Variants in DNAAF1 observed in about 807,000 individuals in gnomAD.
DNAAF1 encodes dynein axonemal assembly factor 1.
DNAAF1 carries 65 observed loss-of-function variants against 71.1 expected under a neutral mutation model. The ratio of observed to expected loss-of-function variants is 0.91; its 90% CI spans 0.75 to 1.12. The LOEUF (loss-of-function observed/expected upper bound fraction) is 1.12, where lower values mean the gene tolerates loss of function less well. DNAAF1 is among the 50% of genes most tolerant of loss of function. The pLI, the probability that DNAAF1 is intolerant of heterozygous loss-of-function variation, is 0.00. For synonymous variants in DNAAF1, 414 were observed against 354.6 expected (o/e 1.17, Z -1.88); for missense variants, 1,178 against 899.8 (o/e 1.31, Z -3.96).
At chr16:84,156,895 C>T (rs778589920) in intron 5 of DNAAF1, among the ~76,000 whole-genome samples, 5 of 143,688 alleles carry the variant, frequency 3.5e-5, no homozygotes, top group Non-Finnish European at 7.5e-5. Context: ...CTCTGTCACC[C>T]AGGCTGGAGT....
At chr16:84,147,586 G>T (rs1320930653) in intron 1 of DNAAF1, among the ~76,000 whole-genome samples, 1 of 151,882 alleles carries the variant, frequency 6.6e-6, no homozygotes, top group South Asian at 2.1e-4. Context: ...AGCCTCCTGA[G>T]TAGCTGGGAC....
At chr16:84,158,204 G>A (rs912457693) in intron 5 of DNAAF1, among the ~76,000 whole-genome samples, 1 of 151,778 alleles carries the variant, frequency 6.6e-6, no homozygotes, top group African/African-American at 2.4e-5. Context: ...GTCTGGCTCT[G>A]TCTCCAAAAA....
At chr16:84,170,565 T>C (rs2088277609) in intron 8 of DNAAF1, among the ~76,000 whole-genome samples, 1 of 152,068 alleles carries the variant, frequency 6.6e-6, no homozygotes. Context: ...CTCTAATAGC[T>C]CTATTTAAAA....
Position 84,145,549 on chromosome 16 carries a change from G to T in DNAAF1, c.109G>T (p.Gly37Trp). The T allele has an allele frequency of 6.5e-7, 1 of 1,549,244 alleles. No individual in the cohort carries two copies. The highest frequency in any genetic ancestry group is 8.7e-7 in the Non-Finnish European group (1 of 1,147,164). Reference sequence around the variant, plus strand: ...GGGTGACCACGGGAGCGCAGGCCGAGGGGGCTGCAAGGAAGGTGCCGACTG... The same window carrying T: ...GGGTGACCACGGGAGCGCAGGCCGATGGGGCTGCAAGGAAGGTGCCGACTG... ...SAGDHGSAGR[G>W]GCKEEINDPK... Residue 37 changes from glycine (G) to tryptophan (W), a missense_variant, in exon 1 of 12, where the codon GGG (glycine) becomes TGG (tryptophan). Physicochemically the swap from Gly to Trp is radical, Grantham distance 184 (BLOSUM62 -2). Transcript: ENST00000378553.
intron 5 of DNAAF1, among the ~76,000 whole-genome samples, chr16:84,156,847 C>CT (rs2087454463): frequency 1.5e-5 from 2 of 130,484 alleles, no homozygotes; most frequent in East Asian, 2.2e-4. Flanking sequence ...TTCTTTCTTT[C>CT]TTTCTTTTTT....
At position 84,146,119 on chromosome 16, in the gene DNAAF1, G is replaced by GCAAA. The variant is rs1177266578; in HGVS notation, c.124+560_124+563dup. Among the ~76,000 whole-genome samples, 4 of 151,434 alleles carry GCAAA rather than the reference G, an allele frequency of 2.6e-5. No homozygotes were observed. The East Asian group carries it at 7.8e-4, about 29-fold the overall frequency. ...CTCAAACAAACAAACAAACAAACAA[G>GCAAA]CAAACAAAACCCACCAGACTCAGGC... On this transcript the variant is annotated intron_variant, in intron 1 of 11. Transcript: ENST00000378553.
chr16:84,152,318 A>G (rs1185361678), intron 3 of DNAAF1, among the ~76,000 whole-genome samples: 1 of 152,182 alleles, frequency 6.6e-6, no homozygotes, highest in African/African-American at 2.4e-5. Context: ...AAAAATTACA[A>G]TGTAAGAAAG....
rs538913588 is a variant in DNAAF1 at position 84,154,310 on chromosome 16, C to T, written c.353-267C>T. The stretch of plus-strand genomic sequence containing the variant: ...GCAGATGGCACTTTCTTGCTGTATC[C>T]TCATGGGGTGAAGATGGCAAAGAAG... On this transcript the variant is annotated intron_variant, in intron 3 of 11. Transcript: ENST00000378553. 2.0e-5 allele frequency among the ~76,000 whole-genome samples: 3 copies of T among 152,186 alleles called. No homozygotes were observed. In the East Asian group the frequency reaches 5.8e-4, roughly 29 times the overall value.
chr16:84,160,910 C>T (rs1014810114), intron 6 of DNAAF1, among the ~76,000 whole-genome samples: 32 of 150,468 alleles, frequency 2.1e-4, no homozygotes, highest in Non-Finnish European at 4.3e-4. Flanking sequence ...GCACTCCAGC[C>T]TGGGCAACAG....
At chr16:84,159,204 C>A in intron 5 of DNAAF1, 2 of 1,028,302 alleles carry the variant, frequency 1.9e-6, no homozygotes, top group Non-Finnish European at 2.3e-6. Flanking sequence ...CTGCGGCACT[C>A]AGCAGAGGTA....
At chr16:84,149,252 C>G in intron 2 of DNAAF1, 110 bp downstream of exon 2, 1 of 1,401,308 alleles carries the variant, frequency 7.1e-7, no homozygotes, top group Non-Finnish European at 1.0e-6. Flanking sequence ...GAATTGCCTG[C>G]CCAATGTCTG....
chr16:84,154,535 T>A (rs1280852870), intron 3 of DNAAF1, 42 bp from the exon 4 acceptor site: 3 of 1,585,548 alleles, frequency 1.9e-6, no homozygotes, highest in Non-Finnish European at 2.6e-6. Flanking sequence ...CCCTCTGCCC[T>A]GGGAGTAGGA....
At chr16:84,146,955 G>T (rs2086943331) in intron 1 of DNAAF1, among the ~76,000 whole-genome samples, 1 of 152,152 alleles carries the variant, frequency 6.6e-6, no homozygotes, top group Non-Finnish European at 1.5e-5. Context: ...CTTGTATGAG[G>T]AGCCATAGGG....
intron 6 of DNAAF1, among the ~76,000 whole-genome samples, chr16:84,160,936 CAAAAAA>C (rs994477404): frequency 4.4e-5 from 3 of 67,504 alleles, no homozygotes; most frequent in Non-Finnish European, 9.1e-5. Context: ...GACTCCGTCT[CAAAAAA>C]AAAAAAAAAA....
chr16:84,151,194 C>G (rs6563999), intron 3 of DNAAF1, among the ~76,000 whole-genome samples: 1 of 151,938 alleles, frequency 6.6e-6, no homozygotes, highest in Non-Finnish European at 1.5e-5. Flanking sequence ...GTTCATTTGT[C>G]TCTTCAGTAG....
chr16:84,146,582 T>A (rs999382886), intron 1 of DNAAF1, among the ~76,000 whole-genome samples: 1 of 152,072 alleles, frequency 6.6e-6, no homozygotes, highest in Admixed American at 6.6e-5. Flanking sequence ...CAGGGCGTGG[T>A]GACGTGCTCC....
chr16:84,176,073 C>T lies in DNAAF1; in HGVS notation c.1839C>T (p.Thr613=). 1 of 1,614,104 alleles carries T rather than the reference C, an allele frequency of 6.2e-7. No individual in the cohort carries two copies. The highest frequency in any genetic ancestry group is 8.5e-7 in the Non-Finnish European group (1 of 1,179,996). Residue 613 remains threonine (T), a synonymous_variant, in exon 11 of 12, where the codon ACC becomes ACT. Coordinates refer to ENST00000378553, the MANE Select transcript of DNAAF1 (RefSeq NM_178452.6). ...ATATATTTGCAGTCTCTAAAGACAC[C>T]TCAAAGGCGGCTCGGGTGCCCTTCA... ...LSNIFAVSKD[T]SKAARVPFTD...
chr16:84,177,647 C>G, intron 11 of DNAAF1, 82 bp from the exon 12 acceptor site: 1 of 1,240,820 alleles, frequency 8.1e-7, no homozygotes, highest in Non-Finnish European at 1.2e-6. Flanking sequence ...TGAATTTGGC[C>G]TGGACTGAAC....
chr16:84,172,498 C>T (rs762312181), intron 9 of DNAAF1, 123 bp downstream of exon 9: 65 of 1,516,126 alleles, frequency 4.3e-5, no homozygotes, highest in African/African-American at 2.6e-4. Context: ...GCAGGCCTGG[C>T]ATTTCTGGGG....
Sources: allele counts gnomAD v4.1 joint callset (sites outside exome capture counted in the v4.1 genomes callset), GRCh38; gene constraint gnomAD v4.1.1; transcripts MANE v1.5; gene names NCBI Gene and HGNC (gene_info 2026-07-23, HGNC 2026-07-21).